The following DOCK4 variants were observed in gnomAD, a reference collection of about 807,000 sequenced individuals.
DOCK4 encodes the protein dedicator of cytokinesis 4.
In DOCK4, 97 loss-of-function variants were observed where a neutral mutation model predicts 268.1. That is an observed-to-expected ratio of 0.36 (90% confidence interval 0.31 to 0.43). The LOEUF (loss-of-function observed/expected upper bound fraction) is 0.43. DOCK4 is among the 20% of genes least tolerant of loss of function. The pLI, the probability that DOCK4 is intolerant of heterozygous loss-of-function variation, is 1.00. For synonymous variants in DOCK4, 954 were observed against 887.2 expected, an observed-to-expected ratio of 1.08 and a Z score of -1.34; for missense variants, 2,145 against 2,455.7, an observed-to-expected ratio of 0.87 and a Z score of 2.67.
intron 1 of DOCK4, among the ~76,000 whole-genome samples, chr7:112,077,221 C>T (rs982261301): frequency 2.6e-5 from 4 of 152,020 alleles, no homozygotes; most frequent in Admixed American, 1.3e-4. Context: ...TGGACAATTA[C>T]GTGGTAAATT....
At chr7:112,071,395 G>T (rs1199062677) in intron 1 of DOCK4, among the ~76,000 whole-genome samples, 1 of 152,054 alleles carries the variant, frequency 6.6e-6, no homozygotes, top group Non-Finnish European at 1.5e-5. Flanking sequence ...CATGTTGGAA[G>T]ACCCAATCAA....
intron 1 of DOCK4, among the ~76,000 whole-genome samples, chr7:112,118,607 T>C (rs957270372): frequency 2.2e-4 from 33 of 152,158 alleles, no homozygotes; most frequent in African/African-American, 8.0e-4. Flanking sequence ...GGGACTTCTC[T>C]CCATACTTCA....
intron 41 of DOCK4, among the ~76,000 whole-genome samples, chr7:111,758,392 A>C (rs1797177232): frequency 1.3e-5 from 2 of 152,188 alleles, no homozygotes; most frequent in African/African-American, 4.8e-5. Context: ...CTCCTCCCAG[A>C]CCAACTGAGT....
At chr7:112,136,868 C>A (rs112938988) in intron 1 of DOCK4, among the ~76,000 whole-genome samples, 242 of 152,162 alleles carry the variant, frequency 1.6e-3, no homozygotes, top group African/African-American at 5.6e-3. Context: ...GTGCTAGGAG[C>A]TTTTATTTAT....
At chr7:111,746,246 T>C in intron 44 of DOCK4, 88 bp downstream of exon 44, 1 of 1,032,044 alleles carries the variant, frequency 9.7e-7, no homozygotes, top group Non-Finnish European at 1.4e-6. Context: ...GTTAGACCAC[T>C]GATGCAGGAA....
intron 23 of DOCK4, among the ~76,000 whole-genome samples, chr7:111,851,073 C>G (rs1804507256): frequency 6.6e-6 from 1 of 152,178 alleles, no homozygotes; most frequent in South Asian, 2.1e-4. Flanking sequence ...CAAAAACCCT[C>G]TATCCTTACC....
At chr7:111,880,859 G>A (rs1807321250) in intron 16 of DOCK4, among the ~76,000 whole-genome samples, 1 of 146,318 alleles carries the variant, frequency 6.8e-6, no homozygotes. Context: ...TGGGAAAACT[G>A]GATATCCATA....
chr7:111,748,729 G>A (rs1180112183), intron 42 of DOCK4, among the ~76,000 whole-genome samples: 1 of 151,772 alleles, frequency 6.6e-6, no homozygotes, highest in South Asian at 2.1e-4. Context: ...TGTGTATATC[G>A]ATTCAGAAAT....
chr7:111,742,929 T>C (rs1012289959), intron 44 of DOCK4, among the ~76,000 whole-genome samples: 1 of 151,496 alleles, frequency 6.6e-6, no homozygotes, highest in African/African-American at 2.4e-5. Flanking sequence ...GAGGTGGAGG[T>C]TGTAGTGAGC....
chr7:111,896,453 T>TCTCTTAAGTAC (rs1449545765), intron 15 of DOCK4, among the ~76,000 whole-genome samples: 1 of 151,680 alleles, frequency 6.6e-6, no homozygotes, highest in Non-Finnish European at 1.5e-5. Context: ...TTGTTGTAGA[T>TCTCTTAAGTAC]CTCTTAAGTA....
chr7:112,039,432 TC>T (rs1267834330), intron 1 of DOCK4, among the ~76,000 whole-genome samples: 4 of 151,548 alleles, frequency 2.6e-5, no homozygotes, highest in Non-Finnish European at 5.9e-5. Context: ...TTCCACTTTT[TC>T]CCTTAAGTAA....
chr7:111,914,910 AT>A, intron 13 of DOCK4, among the ~76,000 whole-genome samples: 1 of 152,292 alleles, frequency 6.6e-6, no homozygotes, highest in African/African-American at 2.4e-5. Context: ...CTAAATATTT[AT>A]TTGTAGAATG....
chr7:111,880,827 G>C (rs1321181743), intron 16 of DOCK4, among the ~76,000 whole-genome samples: 2 of 152,172 alleles, frequency 1.3e-5, no homozygotes, highest in African/African-American at 4.8e-5. Flanking sequence ...TTGAGGAAAA[G>C]AGTCTCTTCA....
At chr7:111,795,668 T>A (rs909650715) in intron 30 of DOCK4, among the ~76,000 whole-genome samples, 4 of 152,138 alleles carry the variant, frequency 2.6e-5, no homozygotes, top group African/African-American at 9.7e-5. Context: ...TTGTCACATG[T>A]AATTAGTGGA....
chr7:112,061,842 C>T (rs919574225), intron 1 of DOCK4, among the ~76,000 whole-genome samples: 2 of 151,448 alleles, frequency 1.3e-5, no homozygotes, highest in Admixed American at 1.3e-4. Context: ...TTCCCAGTGT[C>T]TTTGTTATAG....
chr7:111,989,169 A>G lies in DOCK4; in HGVS notation c.316-6T>C. 6.2e-7 allele frequency: 1 copy of G among 1,613,906 alleles called. No homozygotes were observed. The highest frequency in any genetic ancestry group is 1.1e-5 in the South Asian group (1 of 91,074). On this transcript the variant is annotated splice_polypyrimidine_tract_variant and splice_region_variant and intron_variant, in intron 5 of 52. Coordinates refer to ENST00000428084, the MANE Select transcript of DOCK4 (RefSeq NM_001363540.2). ...AAGAGATCGCCTTCATTACGCTAAG[A>G]AATATACAAATGTGGAGATTTGGCA...
At chr7:112,186,711 C>T (rs987845923) in intron 1 of DOCK4, among the ~76,000 whole-genome samples, 1 of 152,152 alleles carries the variant, frequency 6.6e-6, no homozygotes, top group Non-Finnish European at 1.5e-5. Context: ...ATTGTCCTTA[C>T]TAAGACACCC....
intron 1 of DOCK4, among the ~76,000 whole-genome samples, chr7:112,151,798 T>A (rs1210432643): frequency 5.3e-5 from 8 of 149,710 alleles, no homozygotes; most frequent in Non-Finnish European, 1.2e-4. Context: ...ACATGAAGAT[T>A]AATATGACCC....
chr7:111,927,205 A>C (rs1793790028), intron 12 of DOCK4, among the ~76,000 whole-genome samples: 1 of 152,222 alleles, frequency 6.6e-6, no homozygotes, highest in East Asian at 1.9e-4. Context: ...AAAAGGTATG[A>C]TAAGCGTGAA....
Sources: gnomAD v4.1 joint callset for allele counts (sites outside exome capture counted in the v4.1 genomes callset) on GRCh38, gnomAD v4.1.1 for gene constraint, MANE v1.5 for transcripts, NCBI Gene and HGNC (gene_info 2026-07-23, HGNC 2026-07-21) for gene names.